The following RNF150 variants were observed in gnomAD, a reference collection of about 807,000 sequenced individuals.
RNF150 encodes the protein ring finger protein 150.
RNF150 carries 24 observed loss-of-function variants against 39.3 expected under a neutral mutation model. The ratio of observed to expected loss-of-function variants is 0.61; its 90% CI spans 0.44 to 0.86. RNF150 has a LOEUF of 0.86. Ranked by LOEUF, RNF150 falls within the 40% of genes least tolerant of loss-of-function variation. The pLI is 0.00. For missense variants in RNF150, 502 were observed against 587.8 expected (o/e 0.85, Z 1.51); for synonymous variants, 255 against 227.3 (o/e 1.12, Z -1.10).
intron 1 of RNF150, among the ~76,000 whole-genome samples, chr4:141,108,702 T>G (rs1418243436): frequency 6.6e-6 from 1 of 152,206 alleles, no homozygotes; most frequent in African/African-American, 2.4e-5. Flanking sequence ...AGTGCCATAT[T>G]TATCCCTATT....
At chr4:141,019,907 T>C (rs968342629) in intron 1 of RNF150, among the ~76,000 whole-genome samples, 7 of 152,124 alleles carry the variant, frequency 4.6e-5, no homozygotes, top group Admixed American at 4.6e-4. Context: ...AATTACCCAG[T>C]ACACTCCTTG....
At chr4:141,106,464 A>T (rs575536421) in intron 1 of RNF150, among the ~76,000 whole-genome samples, 1 of 152,290 alleles carries the variant, frequency 6.6e-6, no homozygotes, top group African/African-American at 2.4e-5. Flanking sequence ...CAAACTCTGC[A>T]AACTTCAATT....
intron 1 of RNF150, among the ~76,000 whole-genome samples, chr4:140,990,315 T>C (rs551935484): frequency 6.6e-6 from 1 of 152,342 alleles, no homozygotes; most frequent in East Asian, 1.9e-4. Context: ...AATAAAATGA[T>C]AGCTTTCTTC....
chr4:140,882,833 G>A (rs761173507), intron 6 of RNF150, among the ~76,000 whole-genome samples: 22 of 151,988 alleles, frequency 1.4e-4, no homozygotes, highest in Non-Finnish European at 2.8e-4. Context: ...CCTTGTAGAC[G>A]GCATATAGTT....
chr4:140,979,780 G>T (rs931335109), intron 1 of RNF150, among the ~76,000 whole-genome samples: 3 of 152,060 alleles, frequency 2.0e-5, no homozygotes, highest in Non-Finnish European at 4.4e-5. Flanking sequence ...TTTCTGCAAC[G>T]TTAAAAGGTA....
At chr4:140,878,058 T>C (rs1367380678) in intron 6 of RNF150, among the ~76,000 whole-genome samples, 1 of 152,102 alleles carries the variant, frequency 6.6e-6, no homozygotes, top group African/African-American at 2.4e-5. Context: ...GGGAGAAAGA[T>C]TCTCTATATC....
chr4:140,948,874 G>A (rs1416759809), intron 3 of RNF150, among the ~76,000 whole-genome samples: 1 of 152,158 alleles, frequency 6.6e-6, no homozygotes, highest in Non-Finnish European at 1.5e-5. Flanking sequence ...ACTTTCTCAG[G>A]TCATAACATC....
intron 2 of RNF150, among the ~76,000 whole-genome samples, chr4:140,955,949 G>C (rs192583534): frequency 7.9e-5 from 12 of 152,316 alleles, no homozygotes; most frequent in Admixed American, 7.8e-4. Flanking sequence ...CTCAGGGAGA[G>C]AGAAATCTTT....
intron 1 of RNF150, among the ~76,000 whole-genome samples, chr4:141,073,663 C>G (rs917743244): frequency 3.4e-5 from 4 of 116,456 alleles, no homozygotes; most frequent in African/African-American, 5.1e-5. Flanking sequence ...ATATCAAGCT[C>G]GGGGGGGGAA....
intron 2 of RNF150, among the ~76,000 whole-genome samples, chr4:140,956,432 A>C (rs1732756663): frequency 6.6e-6 from 1 of 152,158 alleles, no homozygotes; most frequent in African/African-American, 2.4e-5. Flanking sequence ...GTCTGTCATG[A>C]ATCTGGCCTC....
At chr4:140,883,201 T>G (rs532546306) in intron 6 of RNF150, among the ~76,000 whole-genome samples, 1 of 152,226 alleles carries the variant, frequency 6.6e-6, no homozygotes, top group Non-Finnish European at 1.5e-5. Context: ...ACTGATGTTA[T>G]AAATTATATC....
At chr4:141,070,007 C>T (rs1420988078) in intron 1 of RNF150, among the ~76,000 whole-genome samples, 1 of 152,074 alleles carries the variant, frequency 6.6e-6, no homozygotes, top group Non-Finnish European at 1.5e-5. Context: ...TTCAAAAAAA[C>T]CAGCTCCTGG....
chr4:141,166,151 A>G (rs1727598184), intron 1 of RNF150, among the ~76,000 whole-genome samples: 1 of 152,218 alleles, frequency 6.6e-6, no homozygotes, highest in South Asian at 2.1e-4. Flanking sequence ...ACAAACTACC[A>G]TCAGAGAATA....
intron 1 of RNF150, among the ~76,000 whole-genome samples, chr4:141,121,247 G>T (rs1179729585): frequency 6.6e-6 from 1 of 152,102 alleles, no homozygotes; most frequent in Non-Finnish European, 1.5e-5. Context: ...GTTCTTCCTA[G>T]AACAGTGGAA....
At chr4:141,033,708 A>C (rs1274491677) in intron 1 of RNF150, among the ~76,000 whole-genome samples, 2 of 152,226 alleles carry the variant, frequency 1.3e-5, no homozygotes, top group East Asian at 1.9e-4. Context: ...GCAGGCATGA[A>C]AACAACATTT....
chr4:141,167,778 A>T (rs1031579670), intron 1 of RNF150, among the ~76,000 whole-genome samples: 7 of 152,192 alleles, frequency 4.6e-5, no homozygotes, highest in Middle Eastern at 6.3e-3. Flanking sequence ...TTTACACCTT[A>T]TACAAAAATT....
rs1358246084 is a variant in RNF150 at position 140,880,643 on chromosome 4, T to C, written c.1199-12264A>G. ...AGTAAAGCCATCTGGTCCTGGGTTT[T>C]TTTTTGTTTGTTTGTTTGTTTGTTT... On this transcript the variant is annotated intron_variant, in intron 6 of 6. Transcript: ENST00000515673. Among the ~76,000 whole-genome samples the C allele has an allele frequency of 2.0e-5, 3 of 147,418 alleles. No individual in the cohort carries two copies. In the Admixed American group the frequency reaches 2.1e-4, roughly 10 times the overall value.
At chr4:141,073,854 A>G (rs1737796018) in intron 1 of RNF150, among the ~76,000 whole-genome samples, 1 of 152,086 alleles carries the variant, frequency 6.6e-6, no homozygotes, top group Non-Finnish European at 1.5e-5. Context: ...GTCCAGGTAG[A>G]GAGGGAAGGA....
intron 1 of RNF150, among the ~76,000 whole-genome samples, chr4:140,992,438 G>T (rs950130401): frequency 3.7e-4 from 56 of 152,010 alleles, no homozygotes; most frequent in African/African-American, 1.3e-3. Context: ...GAAAAAAAAG[G>T]AATAAAACAG....
Sources: allele counts gnomAD v4.1 joint callset (sites outside exome capture counted in the v4.1 genomes callset), GRCh38; gene constraint gnomAD v4.1.1; transcripts MANE v1.5; gene names NCBI Gene and HGNC (gene_info 2026-07-23, HGNC 2026-07-21).